The following CNGB3 variants were observed in gnomAD, a reference collection of about 807,000 sequenced individuals.
The protein encoded by CNGB3 is cyclic nucleotide-gated channel beta-3.
In CNGB3, 86 loss-of-function variants were observed where a neutral mutation model predicts 92.8. The observed-to-expected ratio is 0.93, with a 90% CI of 0.78 to 1.11. The LOEUF (loss-of-function observed/expected upper bound fraction) is 1.11. CNGB3 is among the 50% of genes least tolerant of loss of function. CNGB3 has a pLI of 0.00. For missense variants in CNGB3, 1,026 were observed against 956.8 expected, an observed-to-expected ratio of 1.07 and a Z score of -0.95; for synonymous variants, 333 against 332.7, an observed-to-expected ratio of 1.00 and a Z score of -0.01.
At chr8:86,669,122 A>G (rs1459713212) in intron 4 of CNGB3, among the ~76,000 whole-genome samples, 1 of 151,300 alleles carries the variant, frequency 6.6e-6, no homozygotes. Flanking sequence ...TTAAAAGCTC[A>G]TTGTAACTCC....
At chr8:86,599,280 T>C (rs942175835) in intron 15 of CNGB3, among the ~76,000 whole-genome samples, 5 of 152,244 alleles carry the variant, frequency 3.3e-5, no homozygotes, top group African/African-American at 4.8e-5. Flanking sequence ...TTGTCTTTAC[T>C]TTAATCTCTT....
At chr8:86,697,587 C>A (rs1304199015) in intron 3 of CNGB3, among the ~76,000 whole-genome samples, 1 of 152,134 alleles carries the variant, frequency 6.6e-6, no homozygotes, top group Non-Finnish European at 1.5e-5. Flanking sequence ...ATTAATTGGA[C>A]TTTAAAAAAA....
intron 15 of CNGB3, among the ~76,000 whole-genome samples, chr8:86,586,953 A>C (rs1414713551): frequency 1.1e-4 from 15 of 141,340 alleles, no homozygotes; most frequent in Middle Eastern, 3.5e-3. Flanking sequence ...AGTCCCACCA[A>C]CAGTGTAAAA....
intron 14 of CNGB3, among the ~76,000 whole-genome samples, chr8:86,609,345 G>C (rs1280509760): frequency 6.6e-6 from 1 of 152,176 alleles, no homozygotes; most frequent in Non-Finnish European, 1.5e-5. Flanking sequence ...ACTATGGCTT[G>C]TATTTCCCAT....
chr8:86,649,383 A>C (rs918465920), intron 7 of CNGB3, among the ~76,000 whole-genome samples: 3 of 151,600 alleles, frequency 2.0e-5, no homozygotes, highest in South Asian at 2.1e-4. Flanking sequence ...CAAAAAGCAC[A>C]AATCTGAAGG....
intron 10 of CNGB3, among the ~76,000 whole-genome samples, chr8:86,635,108 A>G (rs145086912): frequency 9.2e-5 from 14 of 152,202 alleles, no homozygotes; most frequent in African/African-American, 3.4e-4. Flanking sequence ...GGACTTACTA[A>G]TATCATAGTG....
chr8:86,721,352 G>A (rs1344410857), intron 3 of CNGB3, among the ~76,000 whole-genome samples: 2 of 152,094 alleles, frequency 1.3e-5, no homozygotes, highest in Non-Finnish European at 2.9e-5. Flanking sequence ...CTTATAAGTA[G>A]GAGCTAAGTA....
chr8:86,675,698 G>A (rs1823953110), intron 3 of CNGB3, among the ~76,000 whole-genome samples: 1 of 152,004 alleles, frequency 6.6e-6, no homozygotes, highest in Non-Finnish European at 1.5e-5. Flanking sequence ...CACAAAAGAT[G>A]GCCTAAAATT....
chr8:86,600,329 G>A (rs1178451268), intron 15 of CNGB3, among the ~76,000 whole-genome samples: 1 of 152,118 alleles, frequency 6.6e-6, no homozygotes, highest in Non-Finnish European at 1.5e-5. Context: ...ATTGTTTCTT[G>A]TTCTCCTTTG....
chr8:86,673,460 T>A (rs1380313933), intron 3 of CNGB3, among the ~76,000 whole-genome samples: 3 of 151,874 alleles, frequency 2.0e-5, no homozygotes, highest in African/African-American at 7.3e-5. Context: ...GCAGGAGTGA[T>A]GGTGGTTGGG....
At chr8:86,733,236 C>A (rs950725470) in intron 2 of CNGB3, among the ~76,000 whole-genome samples, 2 of 152,008 alleles carry the variant, frequency 1.3e-5, no homozygotes, top group Non-Finnish European at 2.9e-5. Context: ...AGATAATGGC[C>A]TCCATCTTCA....
intron 3 of CNGB3, among the ~76,000 whole-genome samples, chr8:86,699,380 A>G (rs967284636): frequency 2.0e-5 from 3 of 152,150 alleles, no homozygotes; most frequent in Admixed American, 2.0e-4. Context: ...GCTCATTCCT[A>G]TAATCCCAGC....
At chr8:86,630,582 T>C (rs1822943829) in intron 11 of CNGB3, among the ~76,000 whole-genome samples, 3 of 152,164 alleles carry the variant, frequency 2.0e-5, no homozygotes, top group Admixed American at 1.3e-4. Flanking sequence ...AATGTGATGA[T>C]TGGCTGGGTG....
intron 10 of CNGB3, among the ~76,000 whole-genome samples, chr8:86,635,692 G>A (rs1823048730): frequency 6.6e-6 from 1 of 151,164 alleles, no homozygotes; most frequent in Non-Finnish European, 1.5e-5. Context: ...AGCTTAATTA[G>A]TCAAGTGTGT....
At chr8:86,592,538 C>T (rs965910781) in intron 15 of CNGB3, among the ~76,000 whole-genome samples, 10 of 152,240 alleles carry the variant, frequency 6.6e-5, no homozygotes, top group African/African-American at 1.9e-4. Context: ...CCTGGAGATA[C>T]ATAGCTCATA....
At chr8:86,719,924 TG>T in intron 3 of CNGB3, among the ~76,000 whole-genome samples, 1 of 152,266 alleles carries the variant, frequency 6.6e-6, no homozygotes, top group Non-Finnish European at 1.5e-5. Flanking sequence ...CAAATGGTGC[TG>T]GGATAATTGG....
At position 86,666,045 on chromosome 8, in the gene CNGB3, C is replaced by T. The variant is rs115228752; in HGVS notation, c.852+880G>A. Among the ~76,000 whole-genome samples the T allele has an allele frequency of 4.3e-3, 655 of 152,300 alleles. 7 individuals carry two copies. The highest frequency in any genetic ancestry group is 0.015 in the African/African-American group (621 of 41,566). ...ACACAAAGATAAACAAGGCACAGTC[C>T]GTGTCCTAAAATATTACAGCCTAGT... On this transcript the variant is annotated intron_variant, in intron 6 of 17. Transcript: ENST00000320005.
At chr8:86,660,761 C>CAA in intron 6 of CNGB3, 1 of 524,570 alleles carries the variant, frequency 1.9e-6, no homozygotes, top group South Asian at 1.4e-5. Context: ...TAACACCACT[C>CAA]AAACAAATGG....
At chr8:86,608,359 C>T (rs187111804) in intron 14 of CNGB3, among the ~76,000 whole-genome samples, 48 of 152,350 alleles carry the variant, frequency 3.2e-4, no homozygotes, top group South Asian at 1.4e-3. Context: ...CTAACGGTGA[C>T]GCCAGCGTCT....
Sources: allele counts gnomAD v4.1 joint callset (sites outside exome capture counted in the v4.1 genomes callset), GRCh38; gene constraint gnomAD v4.1.1; transcripts MANE v1.5; gene names NCBI Gene and HGNC (gene_info 2026-07-23, HGNC 2026-07-21).